Variants in RPH3AL observed in about 807,000 individuals in gnomAD.
The protein encoded by RPH3AL is rab effector Noc2.
RPH3AL carries 38 observed loss-of-function variants against 43.1 expected under a neutral mutation model. That is an observed-to-expected ratio of 0.88 (90% confidence interval 0.68 to 1.15). The LOEUF is 1.15. Ranked by LOEUF, RPH3AL falls within the 50% of genes most tolerant of loss-of-function variation. The probability of loss-of-function intolerance (pLI) is 0.00; values close to 1 mark genes in which losing one functional copy is unlikely to be tolerated. For missense variants in RPH3AL, 462 were observed against 423.2 expected (o/e 1.09, Z -0.81); for synonymous variants, 189 against 176.3 (o/e 1.07, Z -0.57).
intron 7 of RPH3AL, among the ~76,000 whole-genome samples, chr17:226,046 T>TC (rs2041099693): frequency 6.6e-6 from 1 of 152,174 alleles, no homozygotes; most frequent in South Asian, 2.1e-4. Context: ...TTGTTATGAG[T>TC]CGTGCATTTT....
chr17:237,293 A>G (rs1265204259), intron 7 of RPH3AL, among the ~76,000 whole-genome samples: 3 of 152,118 alleles, frequency 2.0e-5, no homozygotes, highest in African/African-American at 7.2e-5. Context: ...TGAAACTCCC[A>G]TTTTTCTTAA....
At chr17:299,745 C>A (rs1031078026) in intron 5 of RPH3AL, among the ~76,000 whole-genome samples, 2 of 152,248 alleles carry the variant, frequency 1.3e-5, no homozygotes, top group African/African-American at 4.8e-5. Flanking sequence ...ATGTCATTAT[C>A]TGTTATTTAC....
rs1286777452 is a variant in RPH3AL at position 283,655 on chromosome 17, T to C, written c.352-1801A>G. The stretch of plus-strand genomic sequence containing the variant: ...GGCCTTCTTGCTTCCCAAGCTCTCA[T>C]GACCCCATGAGAGGGAGTGGGAGCA... On this transcript the variant is annotated intron_variant, in intron 5 of 9. Coordinates refer to ENST00000331302, the MANE Select transcript of RPH3AL (RefSeq NM_006987.4). The surrounding 1 kb of genome is among the most constrained non-coding windows in gnomAD (Gnocchi z 4.2). Among the ~76,000 whole-genome samples, 2 of 152,210 alleles carry C rather than the reference T, an allele frequency of 1.3e-5. No individual in the cohort carries two copies. The highest frequency in any genetic ancestry group is 3.9e-4 in the East Asian group (2 of 5,158).
rs758452527 is a variant in RPH3AL at position 319,234 on chromosome 17, G to A, written c.351+186C>T. 2.6e-5 allele frequency among the ~76,000 whole-genome samples: 4 copies of A among 152,208 alleles called. No homozygotes were observed. In the East Asian group the frequency reaches 7.7e-4, roughly 29 times the overall value. ...CTAGAAGATGCCTCCAAGCTGAGAC[G>A]CAGAGCTGGCCCTAGACATCAGTCC... On this transcript the variant is annotated intron_variant, in intron 5 of 9. Coordinates refer to ENST00000331302, the MANE Select transcript of RPH3AL (RefSeq NM_006987.4).
At chr17:293,662 G>A (rs977325673) in intron 5 of RPH3AL, among the ~76,000 whole-genome samples, 2 of 152,216 alleles carry the variant, frequency 1.3e-5, no homozygotes, top group East Asian at 1.9e-4. Flanking sequence ...GGAGCACGGT[G>A]CACTCAACAG....
At chr17:268,294 G>A (rs56960944) in intron 6 of RPH3AL, among the ~76,000 whole-genome samples, 10,589 of 152,122 alleles carry the variant, frequency 0.07, 426 homozygotes, top group Non-Finnish European at 0.087. Flanking sequence ...ACACGAAGAC[G>A]ATGAGGATGA....
chr17:348,413 A>T (rs1471682288), intron 1 of RPH3AL, among the ~76,000 whole-genome samples: 1 of 152,174 alleles, frequency 6.6e-6, no homozygotes, highest in African/African-American at 2.4e-5. Context: ...TACCACATTT[A>T]TTGTAACAAA....
chr17:271,782 C>T (rs1050440923), intron 6 of RPH3AL, among the ~76,000 whole-genome samples: 1 of 152,168 alleles, frequency 6.6e-6, no homozygotes, highest in African/African-American at 2.4e-5. Flanking sequence ...CCTGATTGCC[C>T]TGGCCAGAGC....
At chr17:326,347 C>G (rs2044620036) in intron 3 of RPH3AL, among the ~76,000 whole-genome samples, 1 of 152,236 alleles carries the variant, frequency 6.6e-6, no homozygotes, top group Non-Finnish European at 1.5e-5. Flanking sequence ...CATCTAATTG[C>G]AATTTTTTTT....
intron 5 of RPH3AL, among the ~76,000 whole-genome samples, chr17:285,092 C>T (rs572754299): frequency 7.7e-4 from 118 of 152,284 alleles, no homozygotes; most frequent in African/African-American, 2.7e-3. Context: ...TCCACAGCAG[C>T]GCCCGACCAG....
chr17:271,583 G>A (rs1052754953), intron 6 of RPH3AL, among the ~76,000 whole-genome samples: 3 of 152,170 alleles, frequency 2.0e-5, no homozygotes, highest in African/African-American at 2.4e-5. Context: ...TGTTATTGAT[G>A]TATAGGAATG....
In RPH3AL at chr17:225,941, T is replaced by C. The variant is rs61618085; in HGVS notation, c.614-6205A>G. On this transcript the variant is annotated intron_variant, in intron 7 of 9. Coordinates refer to ENST00000331302, the MANE Select transcript of RPH3AL (RefSeq NM_006987.4). The surrounding 1 kb of genome is among the most constrained non-coding windows in gnomAD (Gnocchi z 4.4). The stretch of plus-strand genomic sequence containing the variant: ...CATCTCCCCACTCTTCCTTGTTCTG[T>C]CATCTATCACACATGGTCACAGAGT... 0.048 allele frequency among the ~76,000 whole-genome samples: 7,255 copies of C among 152,290 alleles called. 240 individuals carry two copies. Among genetic ancestry groups the C allele is most frequent in the African/African-American group, 0.058 (2,426 of 41,572 alleles).
intron 5 of RPH3AL, among the ~76,000 whole-genome samples, chr17:301,822 G>A (rs2043336264): frequency 6.6e-6 from 1 of 152,206 alleles, no homozygotes. Flanking sequence ...TCATTGCAAG[G>A]CACTGGCTGT....
intron 5 of RPH3AL, among the ~76,000 whole-genome samples, chr17:318,794 A>G (rs2044375459): frequency 6.6e-6 from 1 of 152,230 alleles, no homozygotes; most frequent in African/African-American, 2.4e-5. Context: ...AAGAAAATCA[A>G]TTTGATCTCC....
chr17:334,453 C>A (rs1272369151), intron 1 of RPH3AL, among the ~76,000 whole-genome samples: 1 of 151,840 alleles, frequency 6.6e-6, no homozygotes, highest in Admixed American at 6.6e-5. Flanking sequence ...GCAGCTCCTT[C>A]TCCCCACGCC....
intron 5 of RPH3AL, among the ~76,000 whole-genome samples, chr17:302,373 C>T (rs1477685410): frequency 1.3e-5 from 2 of 152,210 alleles, no homozygotes; most frequent in African/African-American, 4.8e-5. Context: ...GGAGTCACCC[C>T]GCCCCACCCA....
intron 6 of RPH3AL, among the ~76,000 whole-genome samples, chr17:275,183 A>G (rs2042623440): frequency 6.6e-6 from 1 of 151,870 alleles, no homozygotes; most frequent in African/African-American, 2.4e-5. Flanking sequence ...TTGTACATGA[A>G]CATGTACTCC....
rs2043028272 is a variant in RPH3AL, at chr17:290,692, C to A, written c.352-8838G>T. Among the ~76,000 whole-genome samples the A allele has an allele frequency of 6.6e-6, 1 of 152,152 alleles. No homozygotes were observed. Among genetic ancestry groups the A allele is most frequent in the South Asian group, 2.1e-4 (1 of 4,838 alleles). The stretch of plus-strand genomic sequence containing the variant: ...GGCTGGCCTTTGAGTCCTCACCGAT[C>A]CATTTCATGATGAGGAATTCCACCA... On this transcript the variant is annotated intron_variant, in intron 5 of 9. Coordinates refer to ENST00000331302, the MANE Select transcript of RPH3AL (RefSeq NM_006987.4). This position sits in a 1 kb window ranked among gnomAD's most constrained non-coding sequence, Gnocchi z 4.2.
chr17:311,010 C>T (rs537007197), intron 5 of RPH3AL, among the ~76,000 whole-genome samples: 2 of 152,070 alleles, frequency 1.3e-5, no homozygotes, highest in South Asian at 2.1e-4. Flanking sequence ...GTTCATCTCC[C>T]GAAAGACTCC....
Sources: gnomAD v4.1 joint callset for allele counts (sites outside exome capture counted in the v4.1 genomes callset) on GRCh38, gnomAD v4.1.1 for gene constraint, Gnocchi (gnomAD v3.1) non-coding constraint, MANE v1.5 for transcripts, NCBI Gene and HGNC (gene_info 2026-07-23, HGNC 2026-07-21) for gene names.